The following EPHA4 variants were observed in gnomAD, a reference collection of about 807,000 sequenced individuals.
EPHA4 encodes EPH receptor A4.
Under a neutral mutation model 108.3 loss-of-function variants are expected in EPHA4, and 19 were observed. That is an observed-to-expected ratio of 0.18 (90% CI 0.12 to 0.26). EPHA4 has a LOEUF of 0.26. Ranked by LOEUF, EPHA4 falls within the 10% of genes least tolerant of loss-of-function variation. The probability of loss-of-function intolerance (pLI) is 1.00; values close to 1 mark genes in which losing one functional copy is unlikely to be tolerated. For synonymous variants in EPHA4, 449 were observed against 455.5 expected (o/e 0.99, Z 0.18); for missense variants, 917 against 1,254.0 (o/e 0.73, Z 4.06).
At chr2:221,421,037 G>A (rs1038183432) in intron 17 of EPHA4, among the ~76,000 whole-genome samples, 2 of 152,300 alleles carry the variant, frequency 1.3e-5, no homozygotes, top group Middle Eastern at 3.4e-3. Context: ...GGTGGCTCAC[G>A]CCTGTAATCC....
rs192942204 is a variant in EPHA4 at position 221,510,325 on chromosome 2, A to G, written c.824-9153T>C. On this transcript the variant is annotated intron_variant, in intron 3 of 17. Coordinates refer to ENST00000281821, the MANE Select transcript of EPHA4 (RefSeq NM_004438.5). ...TATGTAAAAATTTATTTTTATTTAG[A>G]CAATTTAAACACCATTCCTAAAGTT... 4.8e-4 allele frequency among the ~76,000 whole-genome samples: 73 copies of G among 152,346 alleles called. 1 individual carries two copies. Among genetic ancestry groups the G allele is most frequent in the Admixed American group, 3.4e-3 (52 of 15,306 alleles).
At chr2:221,497,402 T>A (rs921536412) in intron 4 of EPHA4, among the ~76,000 whole-genome samples, 1 of 152,146 alleles carries the variant, frequency 6.6e-6, no homozygotes, top group South Asian at 2.1e-4. Flanking sequence ...TCCTCTTAAC[T>A]GAAGTGCTGC....
intron 5 of EPHA4, among the ~76,000 whole-genome samples, chr2:221,458,582 C>A (rs1232677528): frequency 6.6e-6 from 1 of 152,182 alleles, no homozygotes; most frequent in Non-Finnish European, 1.5e-5. Flanking sequence ...TCAAGCAGTG[C>A]TGGTCTCTCT....
intron 2 of EPHA4, among the ~76,000 whole-genome samples, chr2:221,566,900 AG>A (rs1694664471): frequency 5.0e-5 from 2 of 40,100 alleles, no homozygotes; most frequent in African/African-American, 3.3e-4. Flanking sequence ...GAGAAGGAGA[AG>A]GAGAAGGAGA....
At chr2:221,561,468 G>T (rs1694463125) in intron 3 of EPHA4, among the ~76,000 whole-genome samples, 1 of 152,056 alleles carries the variant, frequency 6.6e-6, no homozygotes, top group Admixed American at 6.6e-5. Context: ...AAACAAACTT[G>T]GTTGACACAC....
chr2:221,469,760 T>C (rs901405675), intron 5 of EPHA4, among the ~76,000 whole-genome samples: 1 of 152,192 alleles, frequency 6.6e-6, no homozygotes, highest in Admixed American at 6.5e-5. Flanking sequence ...GGCCGGGCCT[T>C]GGACCACTTA....
chr2:221,421,612 C>G (rs566023123), intron 17 of EPHA4, among the ~76,000 whole-genome samples: 5 of 152,370 alleles, frequency 3.3e-5, no homozygotes, highest in Non-Finnish European at 1.5e-5. Flanking sequence ...ATGGACTCCT[C>G]ATGGCTCCTC....
rs116101668 is a variant in EPHA4 at position 221,529,482 on chromosome 2, G to C, written c.824-28310C>G. ...TGACTTGTACCAATGGAAACGCCTA[G>C]CTTTTAAAACAAGGTTACAAATCTG... On this transcript the variant is annotated intron_variant, in intron 3 of 17. Coordinates refer to ENST00000281821, the MANE Select transcript of EPHA4 (RefSeq NM_004438.5). 3.4e-3 allele frequency among the ~76,000 whole-genome samples: 515 copies of C among 152,294 alleles called. 3 individuals carry two copies. Among genetic ancestry groups the C allele is most frequent in the African/African-American group, 0.011 (478 of 41,566 alleles).
intron 5 of EPHA4, among the ~76,000 whole-genome samples, chr2:221,469,138 GTA>G (rs1691402680): frequency 6.6e-6 from 1 of 152,196 alleles, no homozygotes; most frequent in Non-Finnish European, 1.5e-5. Context: ...ATAGAAAAGA[GTA>G]TGTGTTGGAT....
At chr2:221,477,376 A>G (rs1363632267) in intron 5 of EPHA4, among the ~76,000 whole-genome samples, 2 of 152,166 alleles carry the variant, frequency 1.3e-5, no homozygotes, top group African/African-American at 2.4e-5. Flanking sequence ...CTTAAAAACT[A>G]TTGCTAGAAC....
At chr2:221,497,996 G>C (rs1692350731) in intron 4 of EPHA4, among the ~76,000 whole-genome samples, 1 of 152,060 alleles carries the variant, frequency 6.6e-6, no homozygotes, top group Non-Finnish European at 1.5e-5. Context: ...TTAAGATAAA[G>C]CTAACAGTTA....
chr2:221,436,669 A>G (rs991377269), intron 12 of EPHA4, 61 bp from the exon 13 acceptor site: 86 of 1,491,390 alleles, frequency 5.8e-5, no homozygotes, highest in Non-Finnish European at 7.4e-5. Flanking sequence ...ATTCTCACCA[A>G]GCATTTATTA....
At chr2:221,456,463 T>C in intron 7 of EPHA4, 150 bp downstream of exon 7, 5 of 666,240 alleles carry the variant, frequency 7.5e-6, no homozygotes, top group Non-Finnish European at 1.2e-5. Context: ...GTTACAGACA[T>C]TGGCTAACTT....
At chr2:221,519,428 G>C (rs1693093247) in intron 3 of EPHA4, among the ~76,000 whole-genome samples, 1 of 152,188 alleles carries the variant, frequency 6.6e-6, no homozygotes, top group South Asian at 2.1e-4. Context: ...GTGGAAAACA[G>C]ATGGTGATTC....
At chr2:221,527,477 A>G (rs1302823234) in intron 3 of EPHA4, among the ~76,000 whole-genome samples, 1 of 152,178 alleles carries the variant, frequency 6.6e-6, no homozygotes, top group African/African-American at 2.4e-5. Flanking sequence ...ATTCAGCCCC[A>G]TATGACAGAG....
upstream of EPHA4, chr2:221,572,474 G>T (rs1337385691): frequency 3.0e-6 from 1 of 332,038 alleles, no homozygotes; most frequent in Non-Finnish European, 5.4e-6. Flanking sequence ...GGGCTCCACG[G>T]GGCGCGCGGT....
intron 13 of EPHA4, among the ~76,000 whole-genome samples, 199 bp downstream of exon 13, chr2:221,436,200 G>C (rs891398575): frequency 6.6e-6 from 1 of 152,072 alleles, no homozygotes; most frequent in Non-Finnish European, 1.5e-5. Flanking sequence ...CTGTTAATAT[G>C]GTCATACATC....
At chr2:221,441,766 G>A (rs542376638) in intron 11 of EPHA4, among the ~76,000 whole-genome samples, 25 of 152,144 alleles carry the variant, frequency 1.6e-4, no homozygotes, top group African/African-American at 4.3e-4. Flanking sequence ...GTTTGAGCTC[G>A]GTGGCCAAGC....
chr2:221,561,792 G>C (rs1483135912), intron 3 of EPHA4, among the ~76,000 whole-genome samples: 2 of 152,176 alleles, frequency 1.3e-5, no homozygotes, highest in Non-Finnish European at 2.9e-5. Flanking sequence ...TGTGACAATT[G>C]AAAATCAATG....
Sources: allele counts gnomAD v4.1 joint callset (sites outside exome capture counted in the v4.1 genomes callset), GRCh38; gene constraint gnomAD v4.1.1; transcripts MANE v1.5; gene names NCBI Gene and HGNC (gene_info 2026-07-23, HGNC 2026-07-21).